The following HOXD10 variants were observed in gnomAD, a reference collection of about 807,000 sequenced individuals.
The protein encoded by HOXD10 is homeobox protein Hox-D10.
Under a neutral mutation model 27.0 loss-of-function variants are expected in HOXD10, and 15 were observed. The observed-to-expected ratio is 0.56, with a 90% CI of 0.37 to 0.85. The LOEUF (loss-of-function observed/expected upper bound fraction) is 0.85, where lower values mean the gene tolerates loss of function less well. Among genes scored for constraint, HOXD10 ranks in the 40% least tolerant of loss-of-function variants. The probability of loss-of-function intolerance (pLI) is 0.00; values close to 1 mark genes in which losing one functional copy is unlikely to be tolerated. For synonymous variants in HOXD10, 178 were observed against 160.9 expected (o/e 1.11, Z -0.80); for missense variants, 440 against 430.4 (o/e 1.02, Z -0.20).
chr2:176,117,059 C>A lies in HOXD10; in HGVS notation c.226C>A (p.Pro76Thr). The A allele has an allele frequency of 6.2e-7, 1 of 1,614,190 alleles. No homozygotes were observed. Among genetic ancestry groups the A allele is most frequent in the Non-Finnish European group, 8.5e-7 (1 of 1,180,044 alleles). ...GGGTATGAATGTGCATCCTTATATA[C>A]CTCAAGTAGACAGTTGGACAGATCC... ...NMGMNVHPYI[P>T]QVDSWTDPNR... Residue 76 changes from proline (P) to threonine (T), a missense_variant, in exon 1 of 2, where the codon CCT becomes ACT. Transcript: ENST00000249501.
intron 1 of HOXD10, 90 bp downstream of exon 1, chr2:176,117,668 GA>G (rs1689785092): frequency 6.8e-7 from 1 of 1,467,868 alleles, no homozygotes; most frequent in Non-Finnish European, 9.4e-7. Flanking sequence ...CGCCGAGCCG[GA>G]GCCCGACTTG....
intron 1 of HOXD10, 46 bp downstream of exon 1, chr2:176,117,624 G>A: frequency 6.2e-7 from 1 of 1,605,846 alleles, no homozygotes; most frequent in Non-Finnish European, 8.5e-7. Flanking sequence ...CGCAGCCCGG[G>A]AACCCGGCAG....
chr2:176,117,764 C>T (rs538598929), intron 1 of HOXD10, among the ~76,000 whole-genome samples, 186 bp downstream of exon 1: 1 of 152,374 alleles, frequency 6.6e-6, no homozygotes, highest in South Asian at 2.1e-4. Context: ...TGGCCCTCTC[C>T]GCCAGTCCTG....
Position 176,117,339 on chromosome 2 carries a change from G to A in HOXD10, c.506G>A (p.Ser169Asn). The change falls in exon 1 of 2, where the codon AGC becomes AAC. Residue 169 changes from serine to asparagine, a missense_variant. Ser to Asn is a conservative substitution (Grantham distance 46, BLOSUM62 1). Coordinates refer to ENST00000249501, the MANE Select transcript of HOXD10 (RefSeq NM_002148.4). ...GGGAAAACCCAAGAGTACAATAATA[G>A]CCCCGAAGGCAGCTCCACTGTCATG... ...ATGKTQEYNN[S>N]PEGSSTVMLQ... 5.6e-6 allele frequency: 9 copies of A among 1,613,838 alleles called. No homozygotes were observed. The highest frequency in any genetic ancestry group is 7.6e-6 in the Non-Finnish European group (9 of 1,180,002).
Position 176,116,791 on chromosome 2 carries a change from C to T in HOXD10, c.-43C>T. 6.3e-7 allele frequency: 1 copy of T among 1,596,962 alleles called. No individual in the cohort carries two copies. Among genetic ancestry groups the T allele is most frequent in the Non-Finnish European group, 8.6e-7 (1 of 1,164,674 alleles). On this transcript the variant is annotated 5_prime_UTR_variant, in exon 1 of 2. Coordinates refer to ENST00000249501, the MANE Select transcript of HOXD10 (RefSeq NM_002148.4). ...GGGAATGTTTTCCTAGAGATGTCAG[C>T]CTACAAAGGACACAATCTCTCTTCT...
chr2:176,117,280 T>C lies in HOXD10; in HGVS notation c.447T>C (p.Pro149=), dbSNP rs763503376. Residue 149 remains proline (P), a synonymous_variant, in exon 1 of 2, where the codon CCT becomes CCC. Transcript: ENST00000249501. ...CPVENPEVPV[P]GYFRLSQTYA... is the part of the protein sequence containing the mutation. ...TTGAGAACCCTGAGGTTCCCGTCCC[T>C]GGATATTTTAGACTGAGTCAGACCT... 8.7e-6 allele frequency: 14 copies of C among 1,610,644 alleles called. No homozygotes were observed. In the South Asian group the frequency reaches 8.8e-5, roughly 10 times the overall value.
At chr2:176,118,893 CAAAA>C (rs59469371) in intron 1 of HOXD10, 57 bp from the exon 2 acceptor site, 1 of 1,439,498 alleles carries the variant, frequency 6.9e-7, no homozygotes, top group Non-Finnish European at 9.6e-7. Flanking sequence ...AAAACAAAAA[CAAAA>C]ACAAACAAAC....
intron 1 of HOXD10, among the ~76,000 whole-genome samples, chr2:176,118,306 G>C (rs1313847327): frequency 6.6e-6 from 1 of 152,196 alleles, no homozygotes; most frequent in African/African-American, 2.4e-5. Context: ...ACAGTAGGGG[G>C]CTCCCTTTCT....
chr2:176,118,012 G>C (rs1559117997), intron 1 of HOXD10, among the ~76,000 whole-genome samples: 1 of 152,244 alleles, frequency 6.6e-6, no homozygotes. Flanking sequence ...CATCCTGCGA[G>C]CTTGGGGGTG....
At position 176,117,433 on chromosome 2, in the gene HOXD10, G is replaced by A. The variant is rs980924218; in HGVS notation, c.600G>A (p.Lys200=). 3.7e-5 allele frequency: 59 copies of A among 1,613,124 alleles called. No homozygotes were observed. The highest frequency in any genetic ancestry group is 4.9e-5 in the Non-Finnish European group (58 of 1,180,012). The change falls in exon 1 of 2, where the codon AAG becomes AAA. Residue 200 remains lysine (K), a synonymous_variant. Coordinates refer to ENST00000249501, the MANE Select transcript of HOXD10 (RefSeq NM_002148.4). ...CTGCCCAGCTGCAGATGGAAAAGAAGATGAACGAGCCCGTGAGCGGCCAGG... is the reference window on the plus strand; with the variant it reads ...CTGCCCAGCTGCAGATGGAAAAGAAAATGAACGAGCCCGTGAGCGGCCAGG... ...LSAAQLQMEK[K]MNEPVSGQEP...
chr2:176,117,794 C>T (rs761504528), intron 1 of HOXD10, among the ~76,000 whole-genome samples: 4 of 151,856 alleles, frequency 2.6e-5, no homozygotes, highest in Non-Finnish European at 5.9e-5. Flanking sequence ...TGATGGCGCC[C>T]GGGCAGAGGA....
rs1170022231 is a variant in HOXD10 at position 176,119,768 on chromosome 2, T to C, written c.*537T>C. The C allele has an allele frequency of 6.6e-6, 1 of 152,600 alleles. No individual in the cohort carries two copies. The highest frequency in any genetic ancestry group is 1.5e-5 in the Non-Finnish European group (1 of 68,030). 9.5% of individuals were successfully genotyped at this position (152,600 alleles called of 1,614,324 possible). A position where few individuals can be genotyped will look rare whatever the true frequency, so the allele number is the denominator to read the frequency against. ...CTTAAAAAGCACATTACAATGTATC[T>C]TTTCACAAATGAATTTAGCAGTTGT... On this transcript the variant is annotated 3_prime_UTR_variant, in exon 2 of 2. Coordinates refer to ENST00000249501, the MANE Select transcript of HOXD10 (RefSeq NM_002148.4).
In HOXD10 at chr2:176,117,072, G is replaced by A; in HGVS notation, c.239G>A (p.Ser80Asn). ...CATCCTTATATACCTCAAGTAGACA[G>A]TTGGACAGATCCGAACAGATCTTGT... ...NVHPYIPQVDSWTDPNRSCRI... is the reference protein window; with the variant it reads ...NVHPYIPQVDNWTDPNRSCRI... The change falls in exon 1 of 2, where the codon AGT becomes AAT. Residue 80 changes from serine (S) to asparagine (N), a missense_variant. Transcript: ENST00000249501. 2 of 1,614,210 alleles carry A rather than the reference G, an allele frequency of 1.2e-6. No individual in the cohort carries two copies. Among genetic ancestry groups the A allele is most frequent in the Non-Finnish European group, 1.7e-6 (2 of 1,180,046 alleles).
Position 176,116,817 on chromosome 2 carries a change from T to TC in HOXD10, c.-16dup, listed in dbSNP as rs779115528. ...CTACAAAGGACACAATCTCTCTTCT[T>TC]CAAATTCTTCCCCAAAATGTCCTTT... On this transcript the variant is annotated 5_prime_UTR_variant, in exon 1 of 2. Transcript: ENST00000249501. The TC allele has an allele frequency of 4.3e-6, 7 of 1,612,974 alleles. No individual in the cohort carries two copies. The highest frequency in any genetic ancestry group is 4.2e-6 in the Non-Finnish European group (5 of 1,178,960).
chr2:176,118,889 AAAAC>A (rs1559118288), intron 1 of HOXD10, 61 bp from the exon 2 acceptor site: 5 of 1,435,628 alleles, frequency 3.5e-6, no homozygotes. Context: ...AACAAAAACA[AAAAC>A]AAAAACAAAC....
chr2:176,117,006 C>G lies in HOXD10; in HGVS notation c.173C>G (p.Ala58Gly). 6.2e-7 allele frequency: 1 copy of G among 1,614,060 alleles called. No individual in the cohort carries two copies. The highest frequency in any genetic ancestry group is 1.3e-5 in the African/African-American group (1 of 75,006). ...MQTCGLLPSLAKREVNHQNMG... is the reference protein window; with the variant it reads ...MQTCGLLPSLGKREVNHQNMG... The stretch of plus-strand genomic sequence containing the variant: ...ACCTGTGGACTGCTCCCGTCTCTGG[C>G]CAAAAGAGAAGTGAACCACCAAAAT... The change falls in exon 1 of 2, where the codon GCC becomes GGC. Residue 58 changes from alanine (A) to glycine (G), a missense_variant. Physicochemically the swap from Ala to Gly is moderately conservative, Grantham distance 60. Transcript: ENST00000249501.
chr2:176,119,338 GCT>G lies in HOXD10; in HGVS notation c.*110_*111del. ...GGAAAGCGGAAACAAAACCTTCACC[GCT>G]CTTTGTTTGTTGTTTTGTTGTATTT... On this transcript the variant is annotated 3_prime_UTR_variant, in exon 2 of 2. Transcript: ENST00000249501. 5.2e-6 allele frequency: 6 copies of G among 1,150,042 alleles called. No homozygotes were observed. Among genetic ancestry groups the G allele is most frequent in the Non-Finnish European group, 7.6e-6 (6 of 786,242 alleles). The allele number at this position is 1,150,042 out of a possible 1,614,324, so 71.2% of individuals were successfully genotyped here. A position where few individuals can be genotyped will look rare whatever the true frequency, so the allele number is the denominator to read the frequency against.
chr2:176,117,621 C>A (rs111664564), intron 1 of HOXD10, 43 bp downstream of exon 1: 4 of 1,607,298 alleles, frequency 2.5e-6, no homozygotes. Context: ...GCGCGCAGCC[C>A]GGGAACCCGG....
rs1319370047 is a variant in HOXD10 at position 176,118,881 on chromosome 2, CAAAAA to C, written c.746-72_746-68del. On this transcript the variant is annotated intron_variant, in intron 1 of 1. Transcript: ENST00000249501. ...ACGAAAACCAAAACCAAAACCAAAACAAAAACAAAAACAAAAACAAACAAACAAAA... is the reference window on the plus strand; with the variant it reads ...ACGAAAACCAAAACCAAAACCAAAACCAAAAACAAAAACAAACAAACAAAA... 91 of 751,756 alleles carry C rather than the reference CAAAAA, an allele frequency of 1.2e-4. No homozygotes were observed. In the African/African-American group the frequency reaches 2.5e-3, roughly 21 times the overall value. The allele number at this position is 751,756 out of a possible 1,614,324, so 46.6% of individuals were successfully genotyped here. A position where few individuals can be genotyped will look rare whatever the true frequency, so the allele number is the denominator to read the frequency against.
Sources: gnomAD v4.1 joint callset for allele counts (sites outside exome capture counted in the v4.1 genomes callset) on GRCh38, gnomAD v4.1.1 for gene constraint, MANE v1.5 for transcripts, NCBI Gene and HGNC (gene_info 2026-07-23, HGNC 2026-07-21) for gene names.